Variants in HIBCH observed in about 807,000 individuals in gnomAD.
HIBCH encodes the protein 3-hydroxyisobutyryl-CoA hydrolase.
A neutral mutation model predicts 58.2 loss-of-function variants in HIBCH; 50 were observed. That is an observed-to-expected ratio of 0.86 (90% CI 0.68 to 1.09). The LOEUF is 1.09. Among genes scored for constraint, HIBCH ranks in the 50% least tolerant of loss-of-function variants. The pLI is 0.00. For synonymous variants in HIBCH, 151 were observed against 146.9 expected (o/e 1.03, Z -0.20); for missense variants, 450 against 449.7 (o/e 1.00, Z -0.01).
intron 13 of HIBCH, among the ~76,000 whole-genome samples, chr2:190,208,290 C>T (rs1432832977): frequency 1.3e-5 from 2 of 151,986 alleles, no homozygotes; most frequent in East Asian, 3.9e-4. Context: ...CAGGCCAGCA[C>T]GAAAGAGGGA....
intron 6 of HIBCH, among the ~76,000 whole-genome samples, chr2:190,270,113 T>C (rs1687349284): frequency 6.6e-6 from 1 of 152,088 alleles, no homozygotes; most frequent in South Asian, 2.1e-4. Flanking sequence ...AAATACCTAA[T>C]ACATGCAGGG....
chr2:190,257,350 C>T (rs1686954933), intron 7 of HIBCH, among the ~76,000 whole-genome samples: 1 of 151,848 alleles, frequency 6.6e-6, no homozygotes, highest in African/African-American at 2.4e-5. Context: ...TCAGGTTTCA[C>T]CTGAGGAAAT....
intron 7 of HIBCH, among the ~76,000 whole-genome samples, chr2:190,253,914 T>C (rs192571482): frequency 8.5e-5 from 13 of 152,120 alleles, no homozygotes; most frequent in Admixed American, 6.5e-4. Flanking sequence ...TGACAACACG[T>C]TCTTCTCTTC....
At chr2:190,290,520 ATTT>A in intron 4 of HIBCH, 35 bp from the exon 5 acceptor site, 6 of 1,303,446 alleles carry the variant, frequency 4.6e-6, no homozygotes, top group South Asian at 1.2e-5. Context: ...AAAAAAAAAG[ATTT>A]AATAGTCAAC....
chr2:190,213,140 CAG>C lies in HIBCH; in HGVS notation c.892-67_892-66del, dbSNP rs1690553513. The C allele has an allele frequency of 3.2e-6, 4 of 1,239,692 alleles. No individual in the cohort carries two copies. The African/African-American group carries it at 4.4e-5, about 14-fold the overall frequency. The allele number at this position is 1,239,692 out of a possible 1,614,324, so 76.8% of individuals were successfully genotyped here. On this transcript the variant is annotated intron_variant, in intron 11 of 13. Transcript: ENST00000359678. Reference sequence around the variant, plus strand: ...TCCTTTATTGTCTATAATAAATGGGCAGAGTGTCTATGTAAATAATATTAAAA... The same window carrying C: ...TCCTTTATTGTCTATAATAAATGGGCAGTGTCTATGTAAATAATATTAAAA...
intron 7 of HIBCH, among the ~76,000 whole-genome samples, chr2:190,258,935 T>C (rs146910369): frequency 1.9e-4 from 29 of 152,340 alleles, no homozygotes; most frequent in South Asian, 1.0e-3. Flanking sequence ...ACTGCAAATA[T>C]ATGGATTTGT....
intron 2 of HIBCH, among the ~76,000 whole-genome samples, chr2:190,310,135 T>C (rs1482552654): frequency 3.3e-5 from 5 of 152,288 alleles, no homozygotes; most frequent in Admixed American, 2.6e-4. Context: ...TCCAAGTTCT[T>C]CAGCTTTTGA....
intron 1 of HIBCH, among the ~76,000 whole-genome samples, chr2:190,195,462 C>T (rs1225176793): frequency 6.6e-6 from 1 of 152,204 alleles, no homozygotes; most frequent in South Asian, 2.1e-4. Context: ...AGTTCTGTTG[C>T]TTTTGCCATT....
chr2:190,308,604 G>C (rs191343588), intron 2 of HIBCH, among the ~76,000 whole-genome samples: 1 of 152,070 alleles, frequency 6.6e-6, no homozygotes, highest in Non-Finnish European at 1.5e-5. Flanking sequence ...GTCCTATACC[G>C]CCTTAGGACT....
At chr2:190,319,637 G>A in intron 1 of HIBCH, 79 bp downstream of exon 1, 2 of 1,262,556 alleles carry the variant, frequency 1.6e-6, no homozygotes, top group Non-Finnish European at 2.3e-6. Context: ...GAGGCCAGCA[G>A]TCTCCACCCC....
chr2:190,312,242 G>C (rs1199932922), intron 1 of HIBCH, among the ~76,000 whole-genome samples: 1 of 152,134 alleles, frequency 6.6e-6, no homozygotes, highest in Non-Finnish European at 1.5e-5. Flanking sequence ...TATGCTTTGG[G>C]CTTTTTAAAA....
At chr2:190,273,677 A>G (rs1254645932) in intron 6 of HIBCH, among the ~76,000 whole-genome samples, 9 of 148,318 alleles carry the variant, frequency 6.1e-5, no homozygotes, top group African/African-American at 2.2e-4. Flanking sequence ...TCTTAAAGAA[A>G]GCTCCTTTCA....
At chr2:190,310,508 C>T (rs1688530032) in intron 2 of HIBCH, among the ~76,000 whole-genome samples, 2 of 152,156 alleles carry the variant, frequency 1.3e-5, no homozygotes, top group African/African-American at 4.8e-5. Context: ...AAGTAATCCA[C>T]CCAAGATTAA....
chr2:190,243,757 TAGG>T lies in HIBCH; in HGVS notation c.891+1127_891+1129del, dbSNP rs2105932195. On this transcript the variant is annotated intron_variant, in intron 11 of 13. Coordinates refer to ENST00000359678, the MANE Select transcript of HIBCH (RefSeq NM_014362.4). This position sits in a 1 kb window ranked among gnomAD's most constrained non-coding sequence, Gnocchi z 4.1. ...CTGAGGTGGGTGAATCACTTGAGCC[TAGG>T]AGGTCGAGACCAGTCTGGCCAACAT... Among the ~76,000 whole-genome samples, 1 of 152,102 alleles carries T rather than the reference TAGG, an allele frequency of 6.6e-6. No individual in the cohort carries two copies. Among genetic ancestry groups the T allele is most frequent in the South Asian group, 2.1e-4 (1 of 4,808 alleles).
At position 190,233,202 on chromosome 2, in the gene HIBCH, T is replaced by C. The variant is rs182793310; in HGVS notation, c.891+11685A>G. Among the ~76,000 whole-genome samples, 275 of 152,010 alleles carry C rather than the reference T, an allele frequency of 1.8e-3. 1 individual carries two copies. Among genetic ancestry groups the C allele is most frequent in the African/African-American group, 6.1e-3 (254 of 41,490 alleles). ...TCTTAAACAGGATATAAAAGAACTA[T>C]AAAGGAAAAAAGGATAAGCTGGATT... On this transcript the variant is annotated intron_variant, in intron 11 of 13. Coordinates refer to ENST00000359678, the MANE Select transcript of HIBCH (RefSeq NM_014362.4).
chr2:190,251,021 T>C (rs1686748969), intron 8 of HIBCH, among the ~76,000 whole-genome samples: 1 of 152,136 alleles, frequency 6.6e-6, no homozygotes, highest in Admixed American at 6.6e-5. Flanking sequence ...TCTGGCATCC[T>C]TACCCAAAAC....
At chr2:190,224,348 TAA>T (rs1289134543) in intron 11 of HIBCH, among the ~76,000 whole-genome samples, 2 of 152,044 alleles carry the variant, frequency 1.3e-5, no homozygotes, top group Non-Finnish European at 2.9e-5. Context: ...GCAAATTGGA[TAA>T]AGAGTCAAGA....
At position 190,252,294 on chromosome 2, in the gene HIBCH, A is replaced by G. The variant is rs771160639; in HGVS notation, c.531T>C (p.Asp177=). The change falls in exon 8 of 14, where the codon GAT becomes GAC. Residue 177 remains aspartate, a synonymous_variant. Coordinates refer to ENST00000359678, the MANE Select transcript of HIBCH (RefSeq NM_014362.4). ...MPETAIGLFP[D]VGGGYFLPRL... ...GTGGCAAGAAATAACCTCCACCCACATCAGGGAACAGTCCTGTAATTAAAT... is the reference window on the plus strand; with the variant it reads ...GTGGCAAGAAATAACCTCCACCCACGTCAGGGAACAGTCCTGTAATTAAAT... 1.9e-6 allele frequency: 3 copies of G among 1,613,144 alleles called. No individual in the cohort carries two copies. Among genetic ancestry groups the G allele is most frequent in the East Asian group, 2.2e-5 (1 of 44,838 alleles).
intron 4 of HIBCH, 100 bp downstream of exon 4, chr2:190,294,446 A>G (rs1175574924): frequency 3.5e-6 from 3 of 847,504 alleles, no homozygotes; most frequent in Non-Finnish European, 5.8e-6. Context: ...AAAAAGTTCT[A>G]AAAAGTAAAG....
Sources: allele counts gnomAD v4.1 joint callset (sites outside exome capture counted in the v4.1 genomes callset), GRCh38; gene constraint gnomAD v4.1.1; non-coding constraint Gnocchi (gnomAD v3.1); transcripts MANE v1.5; gene names NCBI Gene and HGNC (gene_info 2026-07-23, HGNC 2026-07-21).